TSG101: variants seen among roughly 807,000 people sequenced by gnomAD.
TSG101 encodes the protein tumor susceptibility 101, also known as tumor susceptibility gene 101 protein.
In TSG101, 19 loss-of-function variants were observed where a neutral mutation model predicts 48.5. The ratio of observed to expected loss-of-function variants is 0.39; its 90% confidence interval spans 0.27 to 0.58. The LOEUF is 0.58. Ranked by LOEUF, TSG101 falls within the 20% of genes least tolerant of loss-of-function variation. The probability of loss-of-function intolerance (pLI) is 0.55; values close to 1 mark genes in which losing one functional copy is unlikely to be tolerated. For synonymous variants in TSG101, 174 were observed against 169.4 expected, an observed-to-expected ratio of 1.03 and a Z score of -0.21; for missense variants, 365 against 484.4, an observed-to-expected ratio of 0.75 and a Z score of 2.31.
intron 7 of TSG101, among the ~76,000 whole-genome samples, chr11:18,494,198 GA>G (rs1463178335): frequency 6.6e-6 from 1 of 152,120 alleles, no homozygotes; most frequent in African/African-American, 2.4e-5. Flanking sequence ...GAAACAGTGT[GA>G]CAAAATCATT....
intron 2 of TSG101, among the ~76,000 whole-genome samples, chr11:18,518,066 A>G (rs1382817412): frequency 1.3e-5 from 2 of 152,232 alleles, no homozygotes; most frequent in Non-Finnish European, 2.9e-5. Flanking sequence ...AAACTATAAA[A>G]TTCTAGCTCC....
rs770655752 is a variant in TSG101 at position 18,480,629 on chromosome 11, G to A, written c.1090C>T (p.Arg364Cys). ...TGGAACTGTTTACGGGACAGAAGAC[G>A]TACATGCTGGGAGGGGAGAAAAGTT... ...IDLDVFLKHV[R>C]LLSRKQFQLR... Residue 364 changes from arginine (R) to cysteine (C), a missense_variant, in exon 10 of 10, where the codon CGT (arginine) becomes TGT (cysteine). Arg to Cys is a radical substitution (Grantham distance 180, BLOSUM62 -3). Coordinates refer to ENST00000251968, the MANE Select transcript of TSG101 (RefSeq NM_006292.4). 1.2e-6 allele frequency: 2 copies of A among 1,613,534 alleles called. No individual in the cohort carries two copies. Among genetic ancestry groups the A allele is most frequent in the African/African-American group, 1.3e-5 (1 of 74,932 alleles).
intron 7 of TSG101, among the ~76,000 whole-genome samples, chr11:18,497,460 G>A (rs1849801444): frequency 1.3e-5 from 2 of 152,034 alleles, no homozygotes; most frequent in African/African-American, 4.8e-5. Flanking sequence ...TTGATTACCC[G>A]TTCAAAAATC....
rs549507084 is a variant in TSG101, at chr11:18,500,186, C to T, written c.640+2300G>A. ...TTCTTTTTATGGCTGAACAGTATTCCACTGTGTACACATACCTCATTGTCT... is the reference window on the plus strand; with the variant it reads ...TTCTTTTTATGGCTGAACAGTATTCTACTGTGTACACATACCTCATTGTCT... On this transcript the variant is annotated intron_variant, in intron 7 of 9. Coordinates refer to ENST00000251968, the MANE Select transcript of TSG101 (RefSeq NM_006292.4). Among the ~76,000 whole-genome samples, 9 of 152,258 alleles carry T rather than the reference C, an allele frequency of 5.9e-5. No homozygotes were observed. The South Asian group carries it at 1.9e-3, about 32-fold the overall frequency.
intron 2 of TSG101, among the ~76,000 whole-genome samples, chr11:18,518,372 C>T (rs528001350): frequency 1.4e-4 from 22 of 152,306 alleles, no homozygotes; most frequent in South Asian, 1.0e-3. Context: ...CTACAAAATT[C>T]AGTTCCTTGC....
intron 5 of TSG101, among the ~76,000 whole-genome samples, chr11:18,507,277 C>G (rs1295274322): frequency 6.6e-6 from 1 of 152,182 alleles, no homozygotes; most frequent in Non-Finnish European, 1.5e-5. Context: ...AAAGTAACTT[C>G]TTTATTATAT....
At position 18,521,496 on chromosome 11, in the gene TSG101, G is replaced by A. The variant is rs184711462; in HGVS notation, c.43-1893C>T. ...TGATACTCCCACCACCGCCTCCCAA[G>A]TAGCTGGGACTACAGGCATGCACCA... On this transcript the variant is annotated intron_variant, in intron 1 of 9. Transcript: ENST00000251968. 2.4e-3 allele frequency among the ~76,000 whole-genome samples: 361 copies of A among 148,566 alleles called. 3 individuals carry two copies. The highest frequency in any genetic ancestry group is 8.6e-3 in the African/African-American group (347 of 40,460).
In TSG101 at chr11:18,522,016, G is replaced by A. The variant is rs149540489; in HGVS notation, c.43-2413C>T. Among the ~76,000 whole-genome samples the A allele has an allele frequency of 4.1e-3, 618 of 152,174 alleles. 4 individuals carry two copies. The highest frequency in any genetic ancestry group is 0.014 in the African/African-American group (590 of 41,522). ...AACATGTTCTTCATTTGATTTCCAG[G>A]ACATCAACTGTTCTCCTGCACTCTG... On this transcript the variant is annotated intron_variant, in intron 1 of 9. Coordinates refer to ENST00000251968, the MANE Select transcript of TSG101 (RefSeq NM_006292.4).
At chr11:18,489,497 T>C (rs1473554778) in intron 7 of TSG101, among the ~76,000 whole-genome samples, 3 of 152,234 alleles carry the variant, frequency 2.0e-5, no homozygotes, top group Admixed American at 2.0e-4. Context: ...TGAAAATAGA[T>C]TCCATTATTG....
At chr11:18,496,957 G>A (rs1382890768) in intron 7 of TSG101, among the ~76,000 whole-genome samples, 3 of 152,082 alleles carry the variant, frequency 2.0e-5, no homozygotes, top group Non-Finnish European at 4.4e-5. Flanking sequence ...CGGGTGTGGT[G>A]GTACGCTCCT....
chr11:18,499,404 T>TATATATATATA (rs1372786271), intron 7 of TSG101, among the ~76,000 whole-genome samples: 4 of 5,130 alleles, frequency 7.8e-4, no homozygotes, highest in Admixed American at 9.4e-3. Context: ...ATATATATAT[T>TATATATATATA]TTTTTTTTTT....
chr11:18,487,042 TCTCA>T (rs1849629698), intron 7 of TSG101, among the ~76,000 whole-genome samples: 1 of 146,838 alleles, frequency 6.8e-6, no homozygotes, highest in Non-Finnish European at 1.5e-5. Context: ...CACTGCATGT[TCTCA>T]CTCATAGGTG....
At chr11:18,501,188 G>A (rs1849881114) in intron 7 of TSG101, among the ~76,000 whole-genome samples, 1 of 152,166 alleles carries the variant, frequency 6.6e-6, no homozygotes, top group African/African-American at 2.4e-5. Flanking sequence ...TAAAATGGTT[G>A]CCTAGGCCAA....
rs151152617 is a variant in TSG101 at position 18,484,598 on chromosome 11, GACAGA to G, written c.641-531_641-527del. ...TTACTACTTCACCCTTTACCAACAG[GACAGA>G]ACAGATGAACAAAAAAGAATGACAT... On this transcript the variant is annotated intron_variant, in intron 7 of 9. Transcript: ENST00000251968. Among the ~76,000 whole-genome samples, 1,114 of 152,242 alleles carry G rather than the reference GACAGA, an allele frequency of 7.3e-3. 12 individuals carry two copies. The highest frequency in any genetic ancestry group is 0.026 in the African/African-American group (1,062 of 41,526).
intron 3 of TSG101, among the ~76,000 whole-genome samples, 174 bp downstream of exon 3, chr11:18,515,925 A>G (rs1404757344): frequency 6.6e-6 from 1 of 152,224 alleles, no homozygotes; most frequent in Non-Finnish European, 1.5e-5. Context: ...AGTTTTAAGA[A>G]AGCTGAAAAT....
At chr11:18,483,491 CAAAAAA>C (rs35471524) in intron 8 of TSG101, among the ~76,000 whole-genome samples, 6 of 107,682 alleles carry the variant, frequency 5.6e-5, no homozygotes, top group Admixed American at 3.0e-4. Flanking sequence ...GTGAAACTCT[CAAAAAA>C]AAAAAAAAAA....
intron 1 of TSG101, among the ~76,000 whole-genome samples, chr11:18,526,376 G>T (rs1207066949): frequency 2.0e-5 from 3 of 152,222 alleles, no homozygotes; most frequent in Non-Finnish European, 4.4e-5. Flanking sequence ...TAAGACTGGA[G>T]GATCCCTAGA....
chr11:18,525,435 A>C (rs1850353783), intron 1 of TSG101, among the ~76,000 whole-genome samples: 1 of 151,286 alleles, frequency 6.6e-6, no homozygotes, highest in Non-Finnish European at 1.5e-5. Flanking sequence ...ATCCCCAGCT[A>C]CTTGGGAGGC....
chr11:18,514,559 TC>T, intron 4 of TSG101, 118 bp downstream of exon 4: 1 of 710,492 alleles, frequency 1.4e-6, no homozygotes, highest in Non-Finnish European at 2.1e-6. Flanking sequence ...CAGTGATTAG[TC>T]CATTATCTGA....
Sources: gnomAD v4.1 joint callset for allele counts (sites outside exome capture counted in the v4.1 genomes callset) on GRCh38, gnomAD v4.1.1 for gene constraint, MANE v1.5 for transcripts, NCBI Gene and HGNC (gene_info 2026-07-23, HGNC 2026-07-21) for gene names.